LAYN: variants seen among roughly 807,000 people sequenced by gnomAD.
LAYN encodes the protein layilin.
In LAYN, 38 loss-of-function variants were observed where a neutral mutation model predicts 43.6. The ratio of observed to expected loss-of-function variants is 0.87; its 90% CI spans 0.67 to 1.14. LAYN has a LOEUF of 1.14. LAYN is among the 50% of genes most tolerant of loss of function. The pLI, the probability that LAYN is intolerant of heterozygous loss-of-function variation, is 0.00. For synonymous variants in LAYN, 168 were observed against 172.9 expected (o/e 0.97, Z 0.22); for missense variants, 479 against 463.8 (o/e 1.03, Z -0.30).
intron 1 of LAYN, among the ~76,000 whole-genome samples, 158 bp from the exon 2 acceptor site, chr11:111,543,765 A>G (rs1178285899): frequency 1.3e-5 from 2 of 152,246 alleles, no homozygotes; most frequent in Non-Finnish European, 2.9e-5. Context: ...TGGAAGGAGT[A>G]TTAATTTGCT....
rs1415576721 is a variant in LAYN at position 111,561,461 on chromosome 11, T to C, written c.*1003T>C. On this transcript the variant is annotated 3_prime_UTR_variant, in exon 7 of 7. Coordinates refer to ENST00000375614, the MANE Select transcript of LAYN (RefSeq NM_178834.5). ...GATACTACACGTTGTTCTGTTTGCA[T>C]GTTTGTTACTGCAGCATCAACATAA... is the stretch of plus-strand genomic sequence containing the variant. The C allele has an allele frequency of 6.6e-6, 1 of 152,250 alleles. No individual in the cohort carries two copies. The highest frequency in any genetic ancestry group is 1.9e-4 in the East Asian group (1 of 5,204). The allele number at this position is 152,250 out of a possible 1,614,324, so 9.4% of individuals were successfully genotyped here.
intron 4 of LAYN, 98 bp from the exon 5 acceptor site, chr11:111,555,109 A>T: frequency 2.2e-6 from 2 of 889,068 alleles, no homozygotes; most frequent in Non-Finnish European, 3.6e-6. Context: ...CAAAATTTCT[A>T]CAGCTTTTTT....
intron 3 of LAYN, among the ~76,000 whole-genome samples, chr11:111,552,284 G>A (rs958125281): frequency 6.6e-6 from 1 of 152,046 alleles, no homozygotes; most frequent in Non-Finnish European, 1.5e-5. Context: ...CTCCTATAAG[G>A]ATCGTAGCAC....
Position 111,549,610 on chromosome 11 carries a change from C to T in LAYN, c.384-8C>T, listed in dbSNP as rs1170376692. The T allele has an allele frequency of 6.5e-7, 1 of 1,529,824 alleles. No individual in the cohort carries two copies. Among genetic ancestry groups the T allele is most frequent in the South Asian group, 1.3e-5 (1 of 75,996 alleles). The allele number at this position is 1,529,824 out of a possible 1,614,324, so 94.8% of individuals were successfully genotyped here. On this transcript the variant is annotated splice_polypyrimidine_tract_variant and splice_region_variant and intron_variant, in intron 2 of 6. Coordinates refer to ENST00000375614, the MANE Select transcript of LAYN (RefSeq NM_178834.5). ...CAGTTGCCTCTACTGCTGATCCCTT[C>T]CCTACAGGAACTGGTATGTGGATGA...
At chr11:111,549,823 C>T (rs1867711865) in intron 3 of LAYN, 48 bp downstream of exon 3, 14 of 1,554,300 alleles carry the variant, frequency 9.0e-6, no homozygotes, top group South Asian at 1.2e-5. Context: ...CAACTTCTCT[C>T]ATTTCATGAG....
chr11:111,547,865 C>T (rs946571877), intron 2 of LAYN, among the ~76,000 whole-genome samples: 4 of 152,128 alleles, frequency 2.6e-5, no homozygotes, highest in Non-Finnish European at 4.4e-5. Flanking sequence ...GGGAGGAGTG[C>T]AGTTTCAAAG....
At chr11:111,560,017 C>G in intron 6 of LAYN, 78 bp from the exon 7 acceptor site, 1 of 1,492,422 alleles carries the variant, frequency 6.7e-7, no homozygotes, top group East Asian at 2.3e-5. Context: ...GCTGCTTCCT[C>G]TCGTCTCAAC....
intron 6 of LAYN, 102 bp downstream of exon 6, chr11:111,557,745 G>GTATCA: frequency 1.1e-6 from 1 of 936,984 alleles, no homozygotes; most frequent in Non-Finnish European, 1.8e-6. Context: ...AGCACCAAGA[G>GTATCA]TATCACCATT....
chr11:111,549,293 A>G (rs572508204), intron 2 of LAYN, among the ~76,000 whole-genome samples: 1 of 152,240 alleles, frequency 6.6e-6, no homozygotes, highest in Non-Finnish European at 1.5e-5. Context: ...AAACCCAATT[A>G]GCAAAAAGCA....
In LAYN at chr11:111,540,797, C is replaced by T; in HGVS notation, c.-47C>T. 1 of 1,501,648 alleles carries T rather than the reference C, an allele frequency of 6.7e-7. No homozygotes were observed. Among genetic ancestry groups the T allele is most frequent in the Non-Finnish European group, 8.9e-7 (1 of 1,129,860 alleles). The allele number at this position is 1,501,648 out of a possible 1,614,324, so 93.0% of individuals were successfully genotyped here. A position where few individuals can be genotyped will look rare whatever the true frequency, so the allele number is the denominator to read the frequency against. ...GCACGCCTCTGCCCGCCAGCCCGCTCCACCGCCGTAGCGCCCGAGTGTCGG... is the reference window on the plus strand; with the variant it reads ...GCACGCCTCTGCCCGCCAGCCCGCTTCACCGCCGTAGCGCCCGAGTGTCGG... On this transcript the variant is annotated 5_prime_UTR_variant, in exon 1 of 7. Transcript: ENST00000375614.
chr11:111,554,723 G>A (rs1229870240), intron 4 of LAYN, 130 bp downstream of exon 4: 3 of 770,082 alleles, frequency 3.9e-6, no homozygotes, highest in Admixed American at 2.4e-5. Context: ...CAGGCATTTG[G>A]GACAGGTATA....
In LAYN at chr11:111,540,783, C is replaced by A; in HGVS notation, c.-61C>A. The A allele has an allele frequency of 6.8e-7, 1 of 1,472,004 alleles. No homozygotes were observed. The highest frequency in any genetic ancestry group is 1.3e-5 in the South Asian group (1 of 78,164). The allele number at this position is 1,472,004 out of a possible 1,614,324, so 91.2% of individuals were successfully genotyped here. A position where few individuals can be genotyped will look rare whatever the true frequency, so the allele number is the denominator to read the frequency against. ...GTTGCAGTTGTCGCGCACGCCTCTGCCCGCCAGCCCGCTCCACCGCCGTAG... is the reference window on the plus strand; with the variant it reads ...GTTGCAGTTGTCGCGCACGCCTCTGACCGCCAGCCCGCTCCACCGCCGTAG... On this transcript the variant is annotated 5_prime_UTR_variant, in exon 1 of 7. Coordinates refer to ENST00000375614, the MANE Select transcript of LAYN (RefSeq NM_178834.5).
chr11:111,544,188 T>C lies in LAYN; in HGVS notation c.351T>C (p.Tyr117=). 1 of 1,613,996 alleles carries C rather than the reference T, an allele frequency of 6.2e-7. No homozygotes were observed. Among genetic ancestry groups the C allele is most frequent in the South Asian group, 1.1e-5 (1 of 91,026 alleles). The change falls in exon 2 of 7, where the codon TAT becomes TAC. Residue 117 remains tyrosine, a synonymous_variant. Transcript: ENST00000375614. ...ATAGCACAGCCTGCCAGGACCTTTA[T>C]GCTTGGACTGATGGCAGCATATCAC... The part of the protein sequence containing the change: ...QSNSTACQDL[Y]AWTDGSISQF...
intron 5 of LAYN, among the ~76,000 whole-genome samples, chr11:111,556,154 G>T (rs2135803353): frequency 6.6e-6 from 1 of 152,224 alleles, no homozygotes; most frequent in South Asian, 2.1e-4. Flanking sequence ...CAGAACTCAG[G>T]AAAATAGTAT....
At chr11:111,555,630 T>C (rs1867825328) in intron 5 of LAYN, among the ~76,000 whole-genome samples, 1 of 152,192 alleles carries the variant, frequency 6.6e-6, no homozygotes, top group South Asian at 2.1e-4. Flanking sequence ...CAAGCTGTGA[T>C]GCATAACATC....
chr11:111,541,023 T>A, intron 1 of LAYN, 95 bp downstream of exon 1: 1 of 1,149,740 alleles, frequency 8.7e-7, no homozygotes. Flanking sequence ...CGTATGGGAC[T>A]AGAAGGCCGT....
At chr11:111,552,004 ATGTG>A (rs5794757) in intron 3 of LAYN, among the ~76,000 whole-genome samples, 1 of 149,260 alleles carries the variant, frequency 6.7e-6, no homozygotes, top group Non-Finnish European at 1.5e-5. Context: ...ATGTATGTGT[ATGTG>A]TGTGTGTATA....
At chr11:111,544,907 G>A (rs959565934) in intron 2 of LAYN, among the ~76,000 whole-genome samples, 6 of 151,986 alleles carry the variant, frequency 3.9e-5, no homozygotes, top group African/African-American at 1.4e-4. Context: ...AATATAAAGA[G>A]ACAAAAGACC....
chr11:111,550,492 C>T (rs1459698683), intron 3 of LAYN, among the ~76,000 whole-genome samples: 1 of 152,200 alleles, frequency 6.6e-6, no homozygotes, highest in Admixed American at 6.5e-5. Context: ...TGCTTAGCCC[C>T]AATTCTGCAT....
Sources: allele counts gnomAD v4.1 joint callset (sites outside exome capture counted in the v4.1 genomes callset), GRCh38; gene constraint gnomAD v4.1.1; transcripts MANE v1.5; gene names NCBI Gene and HGNC (gene_info 2026-07-23, HGNC 2026-07-21).